Variants in WASHC5 observed in about 807,000 individuals in gnomAD.
WASHC5 encodes WASH complex subunit strumpellin.
In WASHC5, 101 loss-of-function variants were observed where a neutral mutation model predicts 150.4. That is an observed-to-expected ratio of 0.67 (90% CI 0.57 to 0.79). The LOEUF is 0.79. Ranked by LOEUF, WASHC5 falls within the 30% of genes least tolerant of loss-of-function variation. The pLI, the probability that WASHC5 is intolerant of heterozygous loss-of-function variation, is 0.00. For synonymous variants in WASHC5, 467 were observed against 491.2 expected (o/e 0.95, Z 0.65); for missense variants, 1,195 against 1,396.3 (o/e 0.86, Z 2.30).
chr8:125,026,979 G>A (rs570761456), intron 28 of WASHC5, among the ~76,000 whole-genome samples: 2 of 152,136 alleles, frequency 1.3e-5, no homozygotes, highest in African/African-American at 4.8e-5. Context: ...AATATTCGAG[G>A]ACCCTCATTC....
At chr8:125,033,809 A>G (rs553404522) in intron 26 of WASHC5, among the ~76,000 whole-genome samples, 7 of 152,266 alleles carry the variant, frequency 4.6e-5, no homozygotes, top group African/African-American at 1.7e-4. Context: ...CAGCCTCCCA[A>G]AATGCTGGGA....
chr8:125,025,416 G>A (rs1182449514), intron 28 of WASHC5, among the ~76,000 whole-genome samples: 1 of 152,164 alleles, frequency 6.6e-6, no homozygotes, highest in Non-Finnish European at 1.5e-5. Flanking sequence ...TAGGCTGGGC[G>A]TGGTGGCTCA....
intron 26 of WASHC5, among the ~76,000 whole-genome samples, chr8:125,036,233 C>T (rs1012778455): frequency 6.6e-6 from 1 of 152,188 alleles, no homozygotes; most frequent in African/African-American, 2.4e-5. Flanking sequence ...GTTGAAAGAA[C>T]AGAACATCAA....
chr8:125,049,824 G>C (rs571848097), intron 18 of WASHC5, among the ~76,000 whole-genome samples: 1 of 152,272 alleles, frequency 6.6e-6, no homozygotes, highest in South Asian at 2.1e-4. Flanking sequence ...CTGGGAGACA[G>C]AGCAAGACTT....
chr8:125,029,771 C>T (rs1041656680), intron 27 of WASHC5, among the ~76,000 whole-genome samples: 2 of 152,206 alleles, frequency 1.3e-5, no homozygotes, highest in African/African-American at 4.8e-5. Flanking sequence ...AAAACGATTT[C>T]CAATTCCTGT....
intron 1 of WASHC5, among the ~76,000 whole-genome samples, chr8:125,089,929 TTTATA>T (rs150147787): frequency 0.27 from 40,902 of 151,878 alleles, 6,053 homozygotes; most frequent in South Asian, 0.42. Context: ...ATATATAAAC[TTTATA>T]TTAAATTTTT....
intron 15 of WASHC5, 68 bp downstream of exon 15, chr8:125,057,488 G>T: frequency 9.4e-7 from 1 of 1,059,046 alleles, no homozygotes; most frequent in Non-Finnish European, 1.4e-6. Flanking sequence ...GGGGGCCTAA[G>T]CATACTTTTT....
In WASHC5 at chr8:125,079,397, C is replaced by T. The variant is rs112652653; in HGVS notation, c.519-467G>A. On this transcript the variant is annotated intron_variant, in intron 5 of 28. Transcript: ENST00000318410. ...TAGAGATGGGGTTTCACCATGCTGG[C>T]CCAGGCTGGTCTTAAATGTCTGACC... Among the ~76,000 whole-genome samples, 1,245 of 151,542 alleles carry T rather than the reference C, an allele frequency of 8.2e-3. 14 individuals carry two copies. Among genetic ancestry groups the T allele is most frequent in the African/African-American group, 0.028 (1,164 of 41,314 alleles).
intron 1 of WASHC5, among the ~76,000 whole-genome samples, chr8:125,086,186 C>T (rs1817416645): frequency 2.0e-5 from 3 of 152,280 alleles, no homozygotes; most frequent in South Asian, 4.2e-4. Context: ...TATTTTGTCA[C>T]AATTCTGGAG....
rs1311400326 is a variant in WASHC5 at position 125,082,454 on chromosome 8, G to C, written c.346C>G (p.Leu116Val). ...IVDLNRYLDD[L>V]NEGVYIQQTL... is the part of the protein sequence containing the mutation. The stretch of plus-strand genomic sequence containing the variant: ...TGCTGAATATAAACCCCTTCATTGA[G>C]ATCATCTAGATATCTAGAAATAAAA... The change falls in exon 4 of 29, where the codon CTC (leucine) becomes GTC (valine). Residue 116 changes from leucine (L) to valine (V), a missense_variant. Physicochemically the swap from Leu to Val is conservative, Grantham distance 32. Around this residue, in one of 3 missense-constraint regions of WASHC5, gnomAD observed 195 missense variants for 206.9 expected, o/e 0.94. Transcript: ENST00000318410. 1 of 1,559,202 alleles carries C rather than the reference G, an allele frequency of 6.4e-7. No individual in the cohort carries two copies. The highest frequency in any genetic ancestry group is 1.4e-5 in the African/African-American group (1 of 73,852).
chr8:125,063,242 T>C (rs1281377902), intron 11 of WASHC5, among the ~76,000 whole-genome samples: 1 of 152,182 alleles, frequency 6.6e-6, no homozygotes. Flanking sequence ...CTCTTGTCTA[T>C]GAACTGGAGT....
At chr8:125,045,100 T>G (rs1816022659) in intron 20 of WASHC5, 1 of 209,396 alleles carries the variant, frequency 4.8e-6, no homozygotes, top group African/African-American at 2.3e-5. Context: ...TCATTTCCAT[T>G]TGATAAAAAA....
intron 15 of WASHC5, 100 bp downstream of exon 15, chr8:125,057,456 A>G: frequency 1.2e-6 from 1 of 811,118 alleles, no homozygotes; most frequent in South Asian, 1.5e-5. Flanking sequence ...TTAAAAGGGA[A>G]AGAGACACGG....
In WASHC5 at chr8:125,056,692, T is replaced by A; in HGVS notation, c.2001A>T (p.Leu667=). ...DKDKLRDYAQ[L]GPRYEVAKLT... ...GACACAGCACCTCGTATCGTGGGCC[T>A]AGCTGAGCATAGTCCCTCAGCTTGT... is the stretch of plus-strand genomic sequence containing the variant. Residue 667 remains leucine (L), a synonymous_variant, in exon 16 of 29, where the codon CTA becomes CTT. Coordinates refer to ENST00000318410, the MANE Select transcript of WASHC5 (RefSeq NM_014846.4). The A allele has an allele frequency of 6.2e-7, 1 of 1,614,122 alleles. No individual in the cohort carries two copies. The highest frequency in any genetic ancestry group is 8.5e-7 in the Non-Finnish European group (1 of 1,179,978).
Position 125,049,029 on chromosome 8 carries a change from A to G in WASHC5, c.2356T>C (p.Cys786Arg), listed in dbSNP as rs769795849. Residue 786 changes from cysteine (C) to arginine (R), a missense_variant, in exon 19 of 29, where the codon TGT (cysteine) becomes CGT (arginine). This residue lies in a region of WASHC5 where 997 missense variants were observed against 1,168.1 expected (regional missense o/e 0.85). Transcript: ENST00000318410. ...RIINYNVEQE[C>R]NNFLRTKIQD... Reference sequence around the variant, plus strand: ...ACCTTCGTTCTTAGAAAGTTATTACACTCTTGCTCCACGTTGTAATTTATG... The same window carrying G: ...ACCTTCGTTCTTAGAAAGTTATTACGCTCTTGCTCCACGTTGTAATTTATG... 6.2e-7 allele frequency: 1 copy of G among 1,612,732 alleles called. No individual in the cohort carries two copies. The highest frequency in any genetic ancestry group is 1.7e-5 in the Admixed American group (1 of 59,908).
intron 23 of WASHC5, among the ~76,000 whole-genome samples, chr8:125,041,588 C>A (rs1815888978): frequency 6.6e-6 from 1 of 151,952 alleles, no homozygotes; most frequent in Non-Finnish European, 1.5e-5. Flanking sequence ...TTGCAGTGAG[C>A]CAAGATTGTG....
intron 25 of WASHC5, among the ~76,000 whole-genome samples, chr8:125,037,794 CTAAG>C (rs1185512785): frequency 6.6e-6 from 1 of 152,142 alleles, no homozygotes; most frequent in East Asian, 1.9e-4. Context: ...GTGGTGGTAT[CTAAG>C]TAGAAAGAGA....
chr8:125,077,125 A>G (rs932540353), intron 6 of WASHC5, among the ~76,000 whole-genome samples: 2 of 152,222 alleles, frequency 1.3e-5, no homozygotes, highest in African/African-American at 4.8e-5. Context: ...CACGTACTAG[A>G]AATCTTTGGA....
chr8:125,076,277 A>T, intron 7 of WASHC5, 71 bp downstream of exon 7: 1 of 1,452,116 alleles, frequency 6.9e-7, no homozygotes, highest in Non-Finnish European at 9.7e-7. Context: ...CCTGTGGGTT[A>T]AAGGCCAAAA....
Sources: gnomAD v4.1 joint callset for allele counts (sites outside exome capture counted in the v4.1 genomes callset) on GRCh38, gnomAD v4.1.1 for gene constraint, gnomAD v4.1.1 regional missense constraint, MANE v1.5 for transcripts, NCBI Gene and HGNC (gene_info 2026-07-23, HGNC 2026-07-21) for gene names.